Variants in RAB27B observed in about 807,000 individuals in gnomAD.
RAB27B encodes RAB27B, member RAS oncogene family.
Under a neutral mutation model 24.6 loss-of-function variants are expected in RAB27B, and 15 were observed. The ratio of observed to expected loss-of-function variants is 0.61; its 90% confidence interval spans 0.41 to 0.94. The LOEUF (loss-of-function observed/expected upper bound fraction) is 0.94, where lower values mean the gene tolerates loss of function less well. RAB27B is among the 40% of genes least tolerant of loss of function. The pLI is 0.00. For missense variants in RAB27B, 261 were observed against 266.8 expected (o/e 0.98, Z 0.15); for synonymous variants, 105 against 92.5 (o/e 1.14, Z -0.78).
intron 2 of RAB27B, among the ~76,000 whole-genome samples, chr18:54,805,415 T>C (rs1909760226): frequency 1.3e-5 from 2 of 152,226 alleles, no homozygotes; most frequent in Admixed American, 1.3e-4. Context: ...CATACTTTCC[T>C]TTTTCTGTGC....
chr18:54,800,892 A>G (rs1434719318), intron 2 of RAB27B, among the ~76,000 whole-genome samples: 1 of 152,176 alleles, frequency 6.6e-6, no homozygotes, highest in Non-Finnish European at 1.5e-5. Flanking sequence ...TATAATAAGT[A>G]AAGTACTAAA....
chr18:54,735,394 C>T (rs536769120), intron 2 of RAB27B, among the ~76,000 whole-genome samples: 1 of 152,316 alleles, frequency 6.6e-6, no homozygotes, highest in African/African-American at 2.4e-5. Context: ...GAGGCTACCA[C>T]ACTGTACATC....
chr18:54,808,119 G>C (rs1211506824), intron 2 of RAB27B, among the ~76,000 whole-genome samples: 1 of 152,194 alleles, frequency 6.6e-6, no homozygotes, highest in African/African-American at 2.4e-5. Context: ...TGAAAATTAA[G>C]TTTTGTTCAT....
At chr18:54,727,650 T>G (rs1355215075) in intron 2 of RAB27B, among the ~76,000 whole-genome samples, 2 of 152,346 alleles carry the variant, frequency 1.3e-5, no homozygotes, top group East Asian at 3.9e-4. Flanking sequence ...AGTTGTATAT[T>G]GTTTTAAACA....
chr18:54,845,405 C>CAAAAAAA (rs66477137), intron 1 of RAB27B, among the ~76,000 whole-genome samples: 9 of 118,852 alleles, frequency 7.6e-5, no homozygotes, highest in South Asian at 3.1e-4. Context: ...GACTCCATCT[C>CAAAAAAA]AAAAAAAAAA....
chr18:54,755,902 C>G (rs1405964690), intron 2 of RAB27B, among the ~76,000 whole-genome samples: 1 of 152,024 alleles, frequency 6.6e-6, no homozygotes, highest in Non-Finnish European at 1.5e-5. Flanking sequence ...AAGCAAATAC[C>G]AGCGCCACCA....
intron 2 of RAB27B, among the ~76,000 whole-genome samples, chr18:54,742,011 G>A (rs531018962): frequency 6.6e-6 from 1 of 152,298 alleles, no homozygotes; most frequent in Admixed American, 6.5e-5. Flanking sequence ...TGGCCTGAAG[G>A]CTTGTGCTAC....
intron 2 of RAB27B, among the ~76,000 whole-genome samples, chr18:54,786,917 A>G (rs949997585): frequency 3.3e-5 from 5 of 152,178 alleles, no homozygotes; most frequent in Non-Finnish European, 7.3e-5. Flanking sequence ...TAAGCACATC[A>G]CTCTGCATGA....
rs1913349274 is a variant in RAB27B, at chr18:54,891,063, C to G, written c.*1650C>G. 1 of 150,718 alleles carries G rather than the reference C, an allele frequency of 6.6e-6. No homozygotes were observed. Among genetic ancestry groups the G allele is most frequent in the Non-Finnish European group, 1.5e-5 (1 of 67,734 alleles). The allele number at this position is 150,718 out of a possible 1,614,324, so 9.3% of individuals were successfully genotyped here. A position where few individuals can be genotyped will look rare whatever the true frequency, so the allele number is the denominator to read the frequency against. On this transcript the variant is annotated 3_prime_UTR_variant, in exon 6 of 6. Transcript: ENST00000262094. ...TATAGATTTTTTCCAATCAAACCTA[C>G]TTTTTCCATACTCTGTGCATATTTT...
chr18:54,871,978 TTGTG>T (rs1477135965), intron 1 of RAB27B, among the ~76,000 whole-genome samples: 1 of 152,176 alleles, frequency 6.6e-6, no homozygotes, highest in African/African-American at 2.4e-5. Context: ...GCACCAAAGT[TTGTG>T]TGGGTAATTC....
chr18:54,814,867 G>A (rs1307655867), intron 2 of RAB27B, among the ~76,000 whole-genome samples: 13 of 152,204 alleles, frequency 8.5e-5, no homozygotes, highest in East Asian at 7.7e-4. Flanking sequence ...AAGTTTATAC[G>A]TTTAAGTGTC....
At position 54,884,426 on chromosome 18, in the gene RAB27B, A is replaced by G. The variant is rs1344430249; in HGVS notation, c.333A>G (p.Arg111=). Reference sequence around the variant, plus strand: ...GTCAACAGAGCTTCTTAAATGTCAGAAACTGGATGAGTAAGTGGGACTGAG... The same window carrying G: ...GTCAACAGAGCTTCTTAAATGTCAGGAACTGGATGAGTAAGTGGGACTGAG... ...LTSQQSFLNV[R]NWMSQLQANA... The change falls in exon 4 of 6, where the codon AGA becomes AGG. Residue 111 remains arginine, a synonymous_variant. Transcript: ENST00000262094. 6.2e-7 allele frequency: 1 copy of G among 1,604,614 alleles called. No homozygotes were observed. Among genetic ancestry groups the G allele is most frequent in the East Asian group, 2.2e-5 (1 of 44,776 alleles).
chr18:54,886,416 A>G lies in RAB27B; in HGVS notation c.344-1579A>G, dbSNP rs116653737. Among the ~76,000 whole-genome samples the G allele has an allele frequency of 4.8e-3, 726 of 152,244 alleles. 7 individuals are homozygous for G. The highest frequency in any genetic ancestry group is 0.016 in the African/African-American group (677 of 41,556). ...AAATAGATATATTTCTTATCACTAC[A>G]TATTATGCAAAATTGATAATGTATT... On this transcript the variant is annotated intron_variant, in intron 4 of 5. Coordinates refer to ENST00000262094, the MANE Select transcript of RAB27B (RefSeq NM_004163.4).
intron 2 of RAB27B, among the ~76,000 whole-genome samples, chr18:54,803,333 A>T (rs1909669391): frequency 6.6e-6 from 1 of 152,134 alleles, no homozygotes; most frequent in Non-Finnish European, 1.5e-5. Flanking sequence ...GCCAGGCAGA[A>T]GGGGCATGAG....
chr18:54,748,805 A>C (rs1910338612), intron 2 of RAB27B, among the ~76,000 whole-genome samples: 1 of 152,216 alleles, frequency 6.6e-6, no homozygotes, highest in African/African-American at 2.4e-5. Context: ...ATTTATTTTA[A>C]TGCATGTGTG....
intron 1 of RAB27B, 40 bp from the exon 2 acceptor site, chr18:54,877,527 A>C: frequency 7.6e-7 from 1 of 1,310,450 alleles, no homozygotes; most frequent in Non-Finnish European, 1.0e-6. Context: ...AGGAAAATCA[A>C]CTTTAATCAA....
intron 2 of RAB27B, among the ~76,000 whole-genome samples, chr18:54,754,357 T>G (rs948605729): frequency 6.6e-6 from 1 of 151,738 alleles, no homozygotes; most frequent in South Asian, 2.1e-4. Context: ...TCTCTTTCTT[T>G]TATAAATTTT....
At chr18:54,766,639 A>G (rs1433704537) in intron 2 of RAB27B, among the ~76,000 whole-genome samples, 1 of 152,062 alleles carries the variant, frequency 6.6e-6, no homozygotes, top group Non-Finnish European at 1.5e-5. Context: ...CTGCATACCA[A>G]TCTGTGAAAT....
chr18:54,855,067 A>G (rs112213278), intron 1 of RAB27B, among the ~76,000 whole-genome samples: 2 of 152,184 alleles, frequency 1.3e-5, no homozygotes, highest in African/African-American at 4.8e-5. Context: ...CCGCAACTGG[A>G]CTGTCCCATC....
Sources: gnomAD v4.1 joint callset for allele counts (sites outside exome capture counted in the v4.1 genomes callset) on GRCh38, gnomAD v4.1.1 for gene constraint, MANE v1.5 for transcripts, NCBI Gene and HGNC (gene_info 2026-07-23, HGNC 2026-07-21) for gene names.